Variants in UVRAG observed in about 807,000 individuals in gnomAD.
The protein encoded by UVRAG is UV radiation resistance associated, also known as UV radiation resistance-associated gene protein.
UVRAG carries 19 observed loss-of-function variants against 78.0 expected under a neutral mutation model. That is an observed-to-expected ratio of 0.24 (90% confidence interval 0.17 to 0.36). UVRAG has a LOEUF of 0.36. Among genes scored for constraint, UVRAG ranks in the 10% least tolerant of loss-of-function variants. The pLI is 1.00. For synonymous variants in UVRAG, 323 were observed against 324.6 expected, an observed-to-expected ratio of 1.00 and a Z score of 0.05; for missense variants, 740 against 853.8, an observed-to-expected ratio of 0.87 and a Z score of 1.66.
chr11:75,950,999 C>CACACAT, intron 6 of UVRAG, among the ~76,000 whole-genome samples: 1 of 151,432 alleles, frequency 6.6e-6, no homozygotes, highest in South Asian at 2.1e-4. Flanking sequence ...CACACACACA[C>CACACAT]ACACATATCC....
intron 13 of UVRAG, among the ~76,000 whole-genome samples, chr11:76,096,567 C>T (rs1951788830): frequency 6.6e-6 from 1 of 152,176 alleles, no homozygotes; most frequent in African/African-American, 2.4e-5. Context: ...GTCTAAGTCA[C>T]TGAAGGTGTG....
At chr11:76,049,847 G>A (rs1228360561) in intron 12 of UVRAG, among the ~76,000 whole-genome samples, 1 of 152,236 alleles carries the variant, frequency 6.6e-6, no homozygotes, top group Non-Finnish European at 1.5e-5. Flanking sequence ...GGATTGTACA[G>A]GGTTCGTGAA....
At chr11:75,949,714 T>TACACAC (rs1555093473) in intron 6 of UVRAG, among the ~76,000 whole-genome samples, 201 of 136,866 alleles carry the variant, frequency 1.5e-3, no homozygotes, top group African/African-American at 5.4e-3. Flanking sequence ...TATATATATA[T>TACACAC]ACACACACAC....
chr11:76,053,340 C>A (rs946290999), intron 12 of UVRAG, among the ~76,000 whole-genome samples: 9 of 151,370 alleles, frequency 5.9e-5, no homozygotes, highest in African/African-American at 1.7e-4. Flanking sequence ...CACACACACA[C>A]ACAAAAATAA....
chr11:76,137,149 C>T (rs748855979), intron 14 of UVRAG: 9 of 330,616 alleles, frequency 2.7e-5, no homozygotes, highest in South Asian at 5.1e-5. Context: ...GCTCCTGGCC[C>T]GCCACGCAAA....
At chr11:76,082,880 A>C (rs1054761178) in intron 13 of UVRAG, among the ~76,000 whole-genome samples, 9 of 152,034 alleles carry the variant, frequency 5.9e-5, no homozygotes, top group African/African-American at 2.2e-4. Context: ...AAATGCAAAA[A>C]AATCCTAGCT....
At chr11:75,887,204 G>A (rs866425329) in intron 4 of UVRAG, among the ~76,000 whole-genome samples, 5 of 152,022 alleles carry the variant, frequency 3.3e-5, no homozygotes, top group South Asian at 2.1e-4. Context: ...GGAGTGCAGC[G>A]GCGTGCTCTC....
intron 6 of UVRAG, among the ~76,000 whole-genome samples, chr11:75,950,955 G>T (rs1014098551): frequency 2.1e-5 from 3 of 140,050 alleles, no homozygotes; most frequent in African/African-American, 8.9e-5. Flanking sequence ...GAAGTCCTTT[G>T]TCAGGTGTAC....
intron 1 of UVRAG, among the ~76,000 whole-genome samples, chr11:75,824,283 A>C (rs1945462631): frequency 6.6e-6 from 1 of 152,198 alleles, no homozygotes; most frequent in Non-Finnish European, 1.5e-5. Flanking sequence ...TGATATGAGG[A>C]AGCCTCAGAA....
In UVRAG at chr11:76,140,734, C is replaced by T. The variant is rs765308085; in HGVS notation, c.1421C>T (p.Ala474Val). 6.3e-7 allele frequency: 1 copy of T among 1,599,462 alleles called. No homozygotes were observed. The highest frequency in any genetic ancestry group is 8.5e-7 in the Non-Finnish European group (1 of 1,174,348). Residue 474 changes from alanine (A) to valine (V), a missense_variant, in exon 15 of 15, where the codon GCA (alanine) becomes GTA (valine). By Grantham distance (64) the Ala-to-Val change is moderately conservative (BLOSUM62 0). Coordinates refer to ENST00000356136, the MANE Select transcript of UVRAG (RefSeq NM_003369.4). ...VRCDRHHTSS[A>V]IPVPKRQSSI... Reference sequence around the variant, plus strand: ...AGTGACAGACATCACACCTCCAGTGCAATCCCTGTTCCTAAGAGACAAAGC... The same window carrying T: ...AGTGACAGACATCACACCTCCAGTGTAATCCCTGTTCCTAAGAGACAAAGC...
At chr11:75,893,338 A>G (rs1251994793) in intron 5 of UVRAG, among the ~76,000 whole-genome samples, 2 of 152,056 alleles carry the variant, frequency 1.3e-5, no homozygotes, top group African/African-American at 4.8e-5. Flanking sequence ...AGGCAGAAAG[A>G]TGGGCTCTTC....
intron 1 of UVRAG, among the ~76,000 whole-genome samples, chr11:75,819,981 G>A (rs114340964): frequency 0.011 from 1,729 of 152,132 alleles, 31 homozygotes; most frequent in African/African-American, 0.039. Flanking sequence ...AAATTATTTC[G>A]TTCTTTTATT....
At chr11:76,006,234 A>G (rs1949935422) in intron 9 of UVRAG, among the ~76,000 whole-genome samples, 1 of 152,160 alleles carries the variant, frequency 6.6e-6, no homozygotes, top group Non-Finnish European at 1.5e-5. Flanking sequence ...CAAAGACCAT[A>G]TATATGTCAT....
intron 12 of UVRAG, among the ~76,000 whole-genome samples, chr11:76,048,981 G>A (rs1278810192): frequency 6.6e-6 from 1 of 152,202 alleles, no homozygotes; most frequent in Admixed American, 6.5e-5. Context: ...ATGACTCAGC[G>A]GGATTGGGGC....
intron 13 of UVRAG, 164 bp from the exon 14 acceptor site, chr11:76,115,760 A>G (rs192735812): frequency 3.4e-4 from 209 of 609,400 alleles, no homozygotes; most frequent in African/African-American, 3.1e-3. Flanking sequence ...GCTTATCTAT[A>G]TGTCAAATAC....
rs769390519 is a variant in UVRAG at position 75,871,282 on chromosome 11, CT to C, written c.271-8576del. ...TATGAACTTTTACATGGCATATGCC[CT>C]TTTTTTTTTTTTTTTTTTTTGAGGC... On this transcript the variant is annotated intron_variant, in intron 3 of 14. Coordinates refer to ENST00000356136, the MANE Select transcript of UVRAG (RefSeq NM_003369.4). Among the ~76,000 whole-genome samples the C allele has an allele frequency of 9.9e-3, 1,234 of 124,406 alleles. 4 individuals carry two copies. Among genetic ancestry groups the C allele is most frequent in the African/African-American group, 0.029 (968 of 32,866 alleles). The allele number at this position is 124,406 out of a possible 152,430, so 81.6% of individuals were successfully genotyped here. A position where few individuals can be genotyped will look rare whatever the true frequency, so the allele number is the denominator to read the frequency against.
chr11:76,013,581 G>T (rs533446036), intron 11 of UVRAG, among the ~76,000 whole-genome samples: 2 of 152,278 alleles, frequency 1.3e-5, no homozygotes, highest in South Asian at 4.1e-4. Flanking sequence ...TTTGGCTGTG[G>T]CAGGTAAAAA....
chr11:75,978,517 G>A (rs1022670577), intron 7 of UVRAG, among the ~76,000 whole-genome samples: 1 of 152,194 alleles, frequency 6.6e-6, no homozygotes, highest in African/African-American at 2.4e-5. Flanking sequence ...ATCAGACATA[G>A]ATTTGGTCTT....
At chr11:75,944,282 A>G (rs760868359) in intron 6 of UVRAG, among the ~76,000 whole-genome samples, 1 of 152,156 alleles carries the variant, frequency 6.6e-6, no homozygotes, top group Admixed American at 6.6e-5. Flanking sequence ...AGAACAAGTT[A>G]TCTTAGACTA....
Sources: gnomAD v4.1 joint callset for allele counts (sites outside exome capture counted in the v4.1 genomes callset) on GRCh38, gnomAD v4.1.1 for gene constraint, MANE v1.5 for transcripts, NCBI Gene and HGNC (gene_info 2026-07-23, HGNC 2026-07-21) for gene names.